ZNF503: variants seen among roughly 807,000 people sequenced by gnomAD.
ZNF503 encodes zinc finger protein 503, also known as NocA-like zinc finger 2.
A neutral mutation model predicts 34.4 loss-of-function variants in ZNF503; 15 were observed. The ratio of observed to expected loss-of-function variants is 0.44; its 90% CI spans 0.29 to 0.67. The LOEUF (loss-of-function observed/expected upper bound fraction) is 0.67. Ranked by LOEUF, ZNF503 falls within the 30% of genes least tolerant of loss-of-function variation. The probability of loss-of-function intolerance (pLI) is 0.13; values close to 1 mark genes in which losing one functional copy is unlikely to be tolerated. For synonymous variants in ZNF503, 580 were observed against 456.8 expected (o/e 1.27, Z -3.44); for missense variants, 1,007 against 926.8 (o/e 1.09, Z -1.12).
the ZNF503 span, among the ~76,000 whole-genome samples, chr10:75,351,374 G>A: frequency 6.6e-6 from 1 of 152,126 alleles, no homozygotes; most frequent in Non-Finnish European, 1.5e-5. Flanking sequence ...GTTTCACCAT[G>A]TTGGCCAGGC....
chr10:75,354,826 C>T, the ZNF503 span, among the ~76,000 whole-genome samples: 2,425 of 146,648 alleles, frequency 0.017, 93 homozygotes, highest in African/African-American at 0.057. Flanking sequence ...TGGGCATCTG[C>T]TGTGCTTCAT....
chr10:75,401,514 C>T lies in ZNF503; in HGVS notation c.-95G>A. The T allele has an allele frequency of 7.0e-7, 1 of 1,428,444 alleles. No individual in the cohort carries two copies. The highest frequency in any genetic ancestry group is 1.3e-5 in the South Asian group (1 of 77,036). 88.5% of individuals were successfully genotyped at this position (1,428,444 alleles called of 1,614,324 possible). A position where few individuals can be genotyped will look rare whatever the true frequency, so the allele number is the denominator to read the frequency against. On this transcript the variant is annotated 5_prime_UTR_variant, in exon 1 of 2. Transcript: ENST00000372524. Reference sequence around the variant, plus strand: ...GCGCTCGCCCCGGGAGCAGGAGCAGCGGGAGGAGGAGGAGCTGGCGCGGCG... The same window carrying T: ...GCGCTCGCCCCGGGAGCAGGAGCAGTGGGAGGAGGAGGAGCTGGCGCGGCG...
the ZNF503 span, among the ~76,000 whole-genome samples, chr10:75,389,613 C>T: frequency 6.6e-6 from 1 of 152,060 alleles, no homozygotes; most frequent in African/African-American, 2.4e-5. Flanking sequence ...GCCTGTAATC[C>T]CAACTACTCA....
chr10:75,346,972 T>TATTTACAA, the ZNF503 span, among the ~76,000 whole-genome samples: 26 of 152,224 alleles, frequency 1.7e-4, 1 homozygote, highest in African/African-American at 5.5e-4. Flanking sequence ...TCATTTTGCA[T>TATTTACAA]TGAGCCCTGC....
the ZNF503 span, among the ~76,000 whole-genome samples, chr10:75,320,668 AAAGAT>A: frequency 6.6e-6 from 1 of 152,248 alleles, no homozygotes; most frequent in East Asian, 1.9e-4. Context: ...AAATTAAAGA[AAAGAT>A]AAGAAAAAGA....
At chr10:75,397,430 G>A (rs922842752), downstream of ZNF503, among the ~76,000 whole-genome samples, 2 of 152,140 alleles carry the variant, frequency 1.3e-5, no homozygotes, top group African/African-American at 4.8e-5. Flanking sequence ...CCCGGCCCAG[G>A]CCCAGCCGGC....
chr10:75,396,309 G>A (rs1843696322), downstream of ZNF503, among the ~76,000 whole-genome samples: 1 of 152,152 alleles, frequency 6.6e-6, no homozygotes, highest in Non-Finnish European at 1.5e-5. This position sits in a 1 kb window ranked among gnomAD's most constrained non-coding sequence, Gnocchi z 4.4. Flanking sequence ...CGCCAGCTCC[G>A]TTTCCTGGGG....
At chr10:75,297,629 G>A in the ZNF503 span, among the ~76,000 whole-genome samples, 3 of 152,226 alleles carry the variant, frequency 2.0e-5, no homozygotes, top group Non-Finnish European at 2.9e-5. Context: ...AGAGACCCAA[G>A]AGCAGCTGCA....
the ZNF503 span, among the ~76,000 whole-genome samples, chr10:75,321,968 TAC>T: frequency 6.6e-6 from 1 of 152,202 alleles, no homozygotes; most frequent in African/African-American, 2.4e-5. Flanking sequence ...TATCTTAATA[TAC>T]ATTCTCTTAG....
chr10:75,295,190 A>C, the ZNF503 span, among the ~76,000 whole-genome samples: 9 of 151,450 alleles, frequency 5.9e-5, no homozygotes, highest in African/African-American at 2.2e-4. The surrounding 1 kb of genome is among the most constrained non-coding windows in gnomAD (Gnocchi z 4.0). Flanking sequence ...GGCAGGCGGC[A>C]CGGCGCGGGG....
the ZNF503 span, chr10:75,283,419 T>TG: frequency 6.6e-6 from 1 of 152,198 alleles, no homozygotes; most frequent in African/African-American, 2.4e-5. Flanking sequence ...GCAAGAGTGG[T>TG]GGGGGAAGAG....
chr10:75,317,347 G>A, the ZNF503 span, among the ~76,000 whole-genome samples: 4 of 126,116 alleles, frequency 3.2e-5, no homozygotes, highest in African/African-American at 9.3e-5. Context: ...GCACTATCTC[G>A]GCTCACTGCA....
At chr10:75,343,941 C>T in the ZNF503 span, among the ~76,000 whole-genome samples, 71 of 152,200 alleles carry the variant, frequency 4.7e-4, no homozygotes, top group African/African-American at 1.7e-3. Flanking sequence ...GCAGACTGTA[C>T]GGGGGCCACA....
the ZNF503 span, among the ~76,000 whole-genome samples, chr10:75,314,236 C>CAAAAAA: frequency 1.8e-4 from 16 of 89,778 alleles, no homozygotes; most frequent in Non-Finnish European, 2.7e-4. Context: ...GACTCCGTCT[C>CAAAAAA]AAAAAAAAAA....
At chr10:75,364,964 G>T in the ZNF503 span, among the ~76,000 whole-genome samples, 1 of 152,160 alleles carries the variant, frequency 6.6e-6, no homozygotes, top group Non-Finnish European at 1.5e-5. Flanking sequence ...TTATTAAGGG[G>T]AACTTGGCTC....
chr10:75,291,917 G>A, the ZNF503 span, among the ~76,000 whole-genome samples: 1 of 152,214 alleles, frequency 6.6e-6, no homozygotes, highest in African/African-American at 2.4e-5. Flanking sequence ...AAGACAAACA[G>A]CTTCATTCAG....
At chr10:75,328,025 A>G in the ZNF503 span, among the ~76,000 whole-genome samples, 1 of 152,080 alleles carries the variant, frequency 6.6e-6, no homozygotes, top group African/African-American at 2.4e-5. Flanking sequence ...ATAGTTTGAA[A>G]ATGTTTTCTA....
the ZNF503 span, among the ~76,000 whole-genome samples, chr10:75,390,056 G>C: frequency 6.6e-6 from 1 of 152,086 alleles, no homozygotes; most frequent in South Asian, 2.1e-4. Context: ...ACCACGCCCG[G>C]CTAATTTTGT....
the ZNF503 span, among the ~76,000 whole-genome samples, chr10:75,354,305 A>G: frequency 4.7e-4 from 71 of 152,366 alleles, 1 homozygote; most frequent in African/African-American, 1.5e-3. Context: ...CAGTTGGGCA[A>G]CATTATGCCA....
Sources: gnomAD v4.1 joint callset for allele counts (sites outside exome capture counted in the v4.1 genomes callset) on GRCh38, gnomAD v4.1.1 for gene constraint, Gnocchi (gnomAD v3.1) non-coding constraint, MANE v1.5 for transcripts, NCBI Gene and HGNC (gene_info 2026-07-23, HGNC 2026-07-21) for gene names.